FARP2: variants seen among roughly 807,000 people sequenced by gnomAD.
The protein encoded by FARP2 is FERM, ARHGEF and pleckstrin domain-containing protein 2.
Under a neutral mutation model 130.5 loss-of-function variants are expected in FARP2, and 111 were observed. That is an observed-to-expected ratio of 0.85 (90% CI 0.73 to 1.00). The LOEUF (loss-of-function observed/expected upper bound fraction) is 1.00, where lower values mean the gene tolerates loss of function less well. Among genes scored for constraint, FARP2 ranks in the 50% least tolerant of loss-of-function variants. FARP2 has a pLI of 0.00. For missense variants in FARP2, 1,385 were observed against 1,346.3 expected, an observed-to-expected ratio of 1.03 and a Z score of -0.45; for synonymous variants, 504 against 516.9, an observed-to-expected ratio of 0.98 and a Z score of 0.34.
At chr2:241,476,637 C>G (rs1481204281) in intron 19 of FARP2, among the ~76,000 whole-genome samples, 4 of 152,104 alleles carry the variant, frequency 2.6e-5, no homozygotes, top group Non-Finnish European at 4.4e-5. Context: ...TGCAGTGAAC[C>G]AAGATCACGC....
At chr2:241,409,124 G>T (rs1249575457) in intron 5 of FARP2, among the ~76,000 whole-genome samples, 1 of 151,990 alleles carries the variant, frequency 6.6e-6, no homozygotes, top group African/African-American at 2.4e-5. Flanking sequence ...CAGGATCCTG[G>T]GTCTCAAGTT....
chr2:241,468,176 C>T lies in FARP2; in HGVS notation c.1930C>T (p.Leu644=). ...CTACTTCCAAAGACATGACGAGGTC[C>T]TAACAGAACTGGAAAAGGCTACCAA... is the stretch of plus-strand genomic sequence containing the variant. ...TSYFQRHDEV[L]TELEKATKRC... The change falls in exon 18 of 27, where the codon CTA becomes TTA. Residue 644 remains leucine, a synonymous_variant. Transcript: ENST00000264042. 6.2e-7 allele frequency: 1 copy of T among 1,614,054 alleles called. No homozygotes were observed. Among genetic ancestry groups the T allele is most frequent in the Non-Finnish European group, 8.5e-7 (1 of 1,179,956 alleles).
Position 241,491,595 on chromosome 2 carries a change from C to T in FARP2, c.2703C>T (p.Gly901=), listed in dbSNP as rs752407383. ...TCCGCAGCTCCCTGGAGGGGCATGGCCAGCACCGGGCCAACACCACAATGC... is the reference window on the plus strand; with the variant it reads ...TCCGCAGCTCCCTGGAGGGGCATGGTCAGCACCGGGCCAACACCACAATGC... The part of the protein sequence containing the change: ...RGVRSSLEGH[G]QHRANTTMHV... The change falls in exon 24 of 27, where the codon GGC becomes GGT. Residue 901 remains glycine (G), a synonymous_variant. Coordinates refer to ENST00000264042, the MANE Select transcript of FARP2 (RefSeq NM_014808.4). 2.5e-6 allele frequency: 4 copies of T among 1,613,760 alleles called. No homozygotes were observed. The South Asian group carries it at 4.4e-5, about 18-fold the overall frequency.
chr2:241,472,087 G>A (rs867297781), intron 18 of FARP2, among the ~76,000 whole-genome samples: 1 of 151,402 alleles, frequency 6.6e-6, no homozygotes, highest in South Asian at 2.1e-4. Context: ...CCTGTTCTGG[G>A]GGGGTTCTGT....
Position 241,373,245 on chromosome 2 carries a change from C to T in FARP2, c.138C>T (p.Leu46=). Residue 46 remains leucine (L), a synonymous_variant, in exon 2 of 27, where the codon CTC becomes CTT. Transcript: ENST00000264042. ...LPRMQEKHLH[L]RVKLLDNTME... ...GAATGCAAGAGAAGCACCTGCACCT[C>T]AGAGTAAAGCTGCTGGACAACACCA... 6.5e-7 allele frequency: 1 copy of T among 1,538,482 alleles called. No homozygotes were observed. Among genetic ancestry groups the T allele is most frequent in the Non-Finnish European group, 8.8e-7 (1 of 1,135,662 alleles).
intron 2 of FARP2, among the ~76,000 whole-genome samples, chr2:241,382,821 C>G (rs527584648): frequency 2.0e-5 from 3 of 152,136 alleles, no homozygotes; most frequent in Non-Finnish European, 2.9e-5. Flanking sequence ...GTTTAATAGG[C>G]AAAAGTTAGG....
At chr2:241,465,344 C>G in intron 17 of FARP2, 1 of 776,502 alleles carries the variant, frequency 1.3e-6, no homozygotes, top group East Asian at 2.7e-5. Flanking sequence ...GGACAGAGTC[C>G]CCCCTCCCCA....
chr2:241,410,522 C>G (rs1447203612), intron 5 of FARP2, among the ~76,000 whole-genome samples: 2 of 151,164 alleles, frequency 1.3e-5, no homozygotes, highest in Non-Finnish European at 2.9e-5. Flanking sequence ...ACCTCTGCAT[C>G]CGGGTTCAGG....
intron 19 of FARP2, chr2:241,478,682 A>G (rs993531368): frequency 2.1e-6 from 1 of 482,628 alleles, no homozygotes; most frequent in African/African-American, 2.0e-5. Context: ...TTACAGTATC[A>G]CTTCATTAAT....
At chr2:241,405,918 A>G (rs1191085208) in intron 4 of FARP2, among the ~76,000 whole-genome samples, 1 of 151,990 alleles carries the variant, frequency 6.6e-6, no homozygotes, top group Non-Finnish European at 1.5e-5. Flanking sequence ...TGGGCAACAG[A>G]TTGAGACTGC....
intron 2 of FARP2, among the ~76,000 whole-genome samples, chr2:241,390,792 C>T (rs561006971): frequency 2.6e-5 from 4 of 152,106 alleles, no homozygotes; most frequent in Admixed American, 1.3e-4. Context: ...ACTCATTCTT[C>T]GGTGACTAAT....
chr2:241,365,990 T>A (rs909067819), intron 1 of FARP2, among the ~76,000 whole-genome samples: 17 of 146,714 alleles, frequency 1.2e-4, no homozygotes, highest in African/African-American at 4.0e-4. Flanking sequence ...TTTTTTTTAA[T>A]ATAAACAAAT....
At chr2:241,400,446 CAAAT>C (rs1662776755) in intron 2 of FARP2, among the ~76,000 whole-genome samples, 1 of 152,160 alleles carries the variant, frequency 6.6e-6, no homozygotes, top group African/African-American at 2.4e-5. Flanking sequence ...CACACCCAAA[CAAAT>C]AAACGGGTCA....
Position 241,453,427 on chromosome 2 carries a change from C to T in FARP2, c.1412-3320C>T, listed in dbSNP as rs568909323. 3.6e-4 allele frequency among the ~76,000 whole-genome samples: 54 copies of T among 151,986 alleles called. 2 individuals are homozygous for T. In the South Asian group the frequency reaches 7.9e-3, roughly 22 times the overall value. On this transcript the variant is annotated intron_variant, in intron 13 of 26. Coordinates refer to ENST00000264042, the MANE Select transcript of FARP2 (RefSeq NM_014808.4). The stretch of plus-strand genomic sequence containing the variant: ...CACAAGGTCAGGAGATCGAGACCAT[C>T]CTGGCTAACATGGTGAAACCCCGTC...
chr2:241,433,960 T>A (rs2063154021), intron 9 of FARP2, among the ~76,000 whole-genome samples, 198 bp from the exon 10 acceptor site: 1 of 152,084 alleles, frequency 6.6e-6, no homozygotes, highest in African/African-American at 2.4e-5. Context: ...TGTTTGAGCC[T>A]GGGAGGTTGA....
At chr2:241,416,310 C>T (rs2062670577) in intron 7 of FARP2, among the ~76,000 whole-genome samples, 1 of 152,058 alleles carries the variant, frequency 6.6e-6, no homozygotes, top group African/African-American at 2.4e-5. Context: ...CTGCTTCATA[C>T]GGGAATACAG....
chr2:241,407,100 G>A lies in FARP2; in HGVS notation c.332-437G>A, dbSNP rs190088364. On this transcript the variant is annotated intron_variant, in intron 4 of 26. Transcript: ENST00000264042. ...TGGGATTACAGGCGTGAGCCACCGC[G>A]CCCAGCCCTACTTGTTTTTAAGGCT... 3.3e-5 allele frequency among the ~76,000 whole-genome samples: 5 copies of A among 152,282 alleles called. No individual in the cohort carries two copies. The South Asian group carries it at 6.2e-4, about 19-fold the overall frequency.
At chr2:241,382,176 A>AT (rs1283897895) in intron 2 of FARP2, among the ~76,000 whole-genome samples, 1 of 151,810 alleles carries the variant, frequency 6.6e-6, no homozygotes, top group Non-Finnish European at 1.5e-5. Flanking sequence ...AACTATGTGC[A>AT]TTTTTGTAGT....
rs1430380683 is a variant in FARP2, at chr2:241,411,003, ATC to A, written c.411-26_411-25del. ...TACATTCAGAGAACATTTGGAATTG[ATC>A]TCTGTCTTATTTTGAACTCTCTTCT... On this transcript the variant is annotated intron_variant, in intron 5 of 26. Coordinates refer to ENST00000264042, the MANE Select transcript of FARP2 (RefSeq NM_014808.4). 2.2e-6 allele frequency: 3 copies of A among 1,391,440 alleles called. No individual in the cohort carries two copies. In the South Asian group the frequency reaches 3.6e-5, roughly 17 times the overall value. The allele number at this position is 1,391,440 out of a possible 1,614,324, so 86.2% of individuals were successfully genotyped here. A position where few individuals can be genotyped will look rare whatever the true frequency, so the allele number is the denominator to read the frequency against.
Sources: allele counts gnomAD v4.1 joint callset (sites outside exome capture counted in the v4.1 genomes callset), GRCh38; gene constraint gnomAD v4.1.1; transcripts MANE v1.5; gene names NCBI Gene and HGNC (gene_info 2026-07-23, HGNC 2026-07-21).